Variants in RPS24 observed in about 807,000 individuals in gnomAD.
RPS24 encodes small ribosomal subunit protein eS24.
For missense variants in RPS24, 100 were observed against 162.5 expected, an observed-to-expected ratio of 0.62 and a Z score of 2.09; for synonymous variants, 72 against 55.6, an observed-to-expected ratio of 1.30 and a Z score of -1.31.
downstream of RPS24, among the ~76,000 whole-genome samples, chr10:78,043,537 AT>A (rs2131987973): frequency 6.6e-6 from 1 of 152,300 alleles, no homozygotes; most frequent in South Asian, 2.1e-4. Context: ...GCCAGTTGCC[AT>A]GGGTTTATTG....
At chr10:78,034,066 C>T in intron 1 of RPS24, 162 bp downstream of exon 1, 2 of 880,012 alleles carry the variant, frequency 2.3e-6, no homozygotes, top group Admixed American at 3.7e-5. Flanking sequence ...GTTGGCAGGG[C>T]GTCCGGGCTG....
chr10:78,037,437 A>C lies in RPS24; in HGVS notation c.390+133A>C. 5 of 1,398,480 alleles carry C rather than the reference A, an allele frequency of 3.6e-6. No homozygotes were observed. In the South Asian group the frequency reaches 7.4e-5, roughly 21 times the overall value. 86.6% of individuals were successfully genotyped at this position (1,398,480 alleles called of 1,614,324 possible). A position where few individuals can be genotyped will look rare whatever the true frequency, so the allele number is the denominator to read the frequency against. ...TCTTTTCCCTCTTCTTCTGGATTAC[A>C]GAAGGTAACATGTTTTAAGAAACTA... is the stretch of plus-strand genomic sequence containing the variant. On this transcript the variant is annotated intron_variant, in intron 4 of 5. Transcript: ENST00000372360.
intron 4 of RPS24, among the ~76,000 whole-genome samples, chr10:78,046,030 C>G (rs533284991): frequency 6.6e-6 from 1 of 151,894 alleles, no homozygotes. Flanking sequence ...GCCTCTTGCC[C>G]CAGTTTTCAG....
chr10:78,051,691 A>G (rs1291983830), intron 4 of RPS24, among the ~76,000 whole-genome samples: 2 of 152,210 alleles, frequency 1.3e-5, no homozygotes, highest in Non-Finnish European at 2.9e-5. Context: ...CAATGTACGA[A>G]GGTTCTAATT....
At chr10:78,055,087 C>G (rs992187317) in exon 5 of RPS24, 12 of 1,445,426 alleles carry the variant, frequency 8.3e-6, no homozygotes, top group Non-Finnish European at 1.1e-5. Context: ...CAGCAGCCAG[C>G]AGGGCACTGT....
chr10:78,035,079 C>G (rs1001451610), intron 1 of RPS24, among the ~76,000 whole-genome samples: 1 of 152,154 alleles, frequency 6.6e-6, no homozygotes, highest in African/African-American at 2.4e-5. Flanking sequence ...ATCAGTAGTG[C>G]TGAGGTTGAG....
downstream of RPS24, among the ~76,000 whole-genome samples, chr10:78,041,693 A>G (rs1564630821): frequency 6.6e-6 from 1 of 151,940 alleles, no homozygotes; most frequent in Non-Finnish European, 1.5e-5. Flanking sequence ...TGCAGAGGCA[A>G]GGTGGTGAGG....
chr10:78,053,187 A>AT (rs1554843551), intron 4 of RPS24, among the ~76,000 whole-genome samples: 1 of 32,664 alleles, frequency 3.1e-5, no homozygotes, highest in Non-Finnish European at 1.0e-4. Context: ...CAACAACAAC[A>AT]AAAAAAAAAA....
intron 4 of RPS24, among the ~76,000 whole-genome samples, chr10:78,053,827 C>T (rs1172498940): frequency 3.9e-5 from 6 of 152,116 alleles, no homozygotes; most frequent in South Asian, 2.1e-4. Context: ...TCTTTGAGGG[C>T]TGGAAGTGGG....
downstream of RPS24, among the ~76,000 whole-genome samples, chr10:78,043,481 C>T (rs1042092108): frequency 1.3e-5 from 2 of 152,206 alleles, no homozygotes; most frequent in African/African-American, 4.8e-5. Flanking sequence ...AGCTACTTTG[C>T]ACTGTGCATA....
chr10:78,041,257 G>A (rs1162199678), downstream of RPS24, among the ~76,000 whole-genome samples: 1 of 152,206 alleles, frequency 6.6e-6, no homozygotes, highest in Admixed American at 6.5e-5. Context: ...GAAGGGTTGA[G>A]GTTGCAGGAA....
In RPS24 at chr10:78,035,344, G is replaced by A. The variant is rs779155403; in HGVS notation, c.4-8G>A. 3.7e-6 allele frequency: 6 copies of A among 1,613,582 alleles called. No homozygotes were observed. The East Asian group carries it at 1.1e-4, about 30-fold the overall frequency. On this transcript the variant is annotated splice_polypyrimidine_tract_variant and splice_region_variant and intron_variant, in intron 1 of 5. Coordinates refer to ENST00000372360, the MANE Select transcript of RPS24 (RefSeq NM_033022.4). Reference sequence around the variant, plus strand: ...TAGTTTTATTAACCAGAGTGTTTATGTTTTCAGAACGACACCGTAACTATC... The same window carrying A: ...TAGTTTTATTAACCAGAGTGTTTATATTTTCAGAACGACACCGTAACTATC...
At chr10:78,035,297 G>A in intron 1 of RPS24, 55 bp from the exon 2 acceptor site, 2 of 1,539,000 alleles carry the variant, frequency 1.3e-6, no homozygotes, top group Non-Finnish European at 1.8e-6. Flanking sequence ...GAAAATCACA[G>A]CAAGGCCAAG....
chr10:78,035,269 G>A (rs1847838235), intron 1 of RPS24, 83 bp from the exon 2 acceptor site: 1 of 1,369,934 alleles, frequency 7.3e-7, no homozygotes, highest in African/African-American at 1.4e-5. Flanking sequence ...AAATTGGACT[G>A]CAACATTCTA....
intron 4 of RPS24, among the ~76,000 whole-genome samples, chr10:78,053,168 A>AAACAAC (rs1554843544): frequency 7.1e-6 from 1 of 141,676 alleles, no homozygotes; most frequent in East Asian, 2.1e-4. Context: ...AAACAAACAA[A>AAACAAC]AACAACAACA....
At chr10:78,043,435 C>T (rs72642278), downstream of RPS24, among the ~76,000 whole-genome samples, 6,944 of 152,230 alleles carry the variant, frequency 0.046, 340 homozygotes, top group East Asian at 0.24. Context: ...TCATCTGACT[C>T]CAAAACACTG....
downstream of RPS24, among the ~76,000 whole-genome samples, chr10:78,041,992 C>G (rs932519746): frequency 6.6e-6 from 1 of 152,166 alleles, no homozygotes; most frequent in Admixed American, 6.5e-5. Context: ...GAAACTCAGG[C>G]TTGGCCTATT....
downstream of RPS24, among the ~76,000 whole-genome samples, chr10:78,043,722 G>A (rs570832844): frequency 4.4e-4 from 67 of 152,024 alleles, no homozygotes; most frequent in Non-Finnish European, 7.8e-4. Flanking sequence ...GTGTATGACT[G>A]TGACGTGATA....
At chr10:78,043,684 T>TCA (rs1233247814), downstream of RPS24, among the ~76,000 whole-genome samples, 1 of 152,242 alleles carries the variant, frequency 6.6e-6, no homozygotes, top group Admixed American at 6.5e-5. Context: ...TGATCTGGCT[T>TCA]CTGTTCCTTT....
Sources: allele counts gnomAD v4.1 joint callset (sites outside exome capture counted in the v4.1 genomes callset), GRCh38; gene constraint gnomAD v4.1.1; transcripts MANE v1.5; gene names NCBI Gene and HGNC (gene_info 2026-07-23, HGNC 2026-07-21).